The following KCNJ6 variants were observed in gnomAD, a reference collection of about 807,000 sequenced individuals.
The protein encoded by KCNJ6 is potassium inwardly rectifying channel subfamily J member 6, also known as G protein-activated inward rectifier potassium channel 2.
In KCNJ6, 9 loss-of-function variants were observed where a neutral mutation model predicts 34.2. The observed-to-expected ratio is 0.26, with a 90% CI of 0.16 to 0.46. The LOEUF (loss-of-function observed/expected upper bound fraction) is 0.46. Among genes scored for constraint, KCNJ6 ranks in the 20% least tolerant of loss-of-function variants. KCNJ6 has a pLI of 1.00. For missense variants in KCNJ6, 236 were observed against 531.3 expected, an observed-to-expected ratio of 0.44 and a Z score of 5.46; for synonymous variants, 196 against 207.1, an observed-to-expected ratio of 0.95 and a Z score of 0.46.
intron 3 of KCNJ6, among the ~76,000 whole-genome samples, chr21:37,659,172 CCT>C (rs1409089520): frequency 6.6e-6 from 1 of 152,184 alleles, no homozygotes; most frequent in African/African-American, 2.4e-5. Flanking sequence ...CCACGCAGTC[CCT>C]GTTTTTCTTT....
At chr21:37,729,718 T>C (rs561371811) in intron 2 of KCNJ6, among the ~76,000 whole-genome samples, 38 of 152,306 alleles carry the variant, frequency 2.5e-4, no homozygotes, top group Middle Eastern at 3.4e-3. Context: ...TACAGCGATA[T>C]AGGTTGTCCG....
At chr21:37,802,045 T>C (rs1040324870) in intron 2 of KCNJ6, among the ~76,000 whole-genome samples, 1 of 152,192 alleles carries the variant, frequency 6.6e-6, no homozygotes, top group Non-Finnish European at 1.5e-5. Context: ...TTCTTAGTTA[T>C]TTCCACAGAA....
chr21:37,722,711 A>G (rs1016082890), intron 2 of KCNJ6, among the ~76,000 whole-genome samples: 27 of 152,332 alleles, frequency 1.8e-4, no homozygotes, highest in Admixed American at 7.2e-4. Context: ...TAATAATGGT[A>G]CTGGGATAGC....
chr21:37,676,947 C>G (rs2054567544), intron 3 of KCNJ6, among the ~76,000 whole-genome samples: 1 of 152,230 alleles, frequency 6.6e-6, no homozygotes, highest in Non-Finnish European at 1.5e-5. Flanking sequence ...CCACCTCCAC[C>G]AGTCCCCATT....
rs937449206 is a variant in KCNJ6, at chr21:37,618,260, G to T, written c.*6899C>A. 1 of 152,200 alleles carries T rather than the reference G, an allele frequency of 6.6e-6. No homozygotes were observed. The highest frequency in any genetic ancestry group is 2.1e-4 in the South Asian group (1 of 4,830). The allele number at this position is 152,200 out of a possible 1,614,324, so 9.4% of individuals were successfully genotyped here. On this transcript the variant is annotated 3_prime_UTR_variant, in exon 4 of 4. Coordinates refer to ENST00000609713, the MANE Select transcript of KCNJ6 (RefSeq NM_002240.5). ...TCTGATCTCTGCACTCCAGTTGATC[G>T]AGTTCTACTAGTTGTGTTTAGTGAT...
At chr21:37,718,821 A>T (rs702863) in intron 2 of KCNJ6, among the ~76,000 whole-genome samples, 148,153 of 151,784 alleles carry the variant, frequency 0.98, 72,339 homozygotes, top group East Asian at 1. Flanking sequence ...ATAATAATAA[A>T]AAAAAAATAC....
At chr21:37,762,581 C>CCCTTG (rs2055071168) in intron 2 of KCNJ6, among the ~76,000 whole-genome samples, 1 of 152,122 alleles carries the variant, frequency 6.6e-6, no homozygotes, top group African/African-American at 2.4e-5. Context: ...GCAATGGGGA[C>CCCTTG]CCTGTTGAGG....
chr21:37,875,804 T>A (rs2055675302), intron 1 of KCNJ6, among the ~76,000 whole-genome samples: 1 of 152,214 alleles, frequency 6.6e-6, no homozygotes, highest in East Asian at 1.9e-4. Flanking sequence ...TGCAGGTGTT[T>A]CCATACAAGG....
At position 37,647,051 on chromosome 21, in the gene KCNJ6, G is replaced by A. The variant is rs116826483; in HGVS notation, c.947-21567C>T. ...ACTGTGTGTAGGGATCAGAGCGACG[G>A]GGAGGGATGGAGCCCTTTCATCTGT... On this transcript the variant is annotated intron_variant, in intron 3 of 3. Transcript: ENST00000609713. Among the ~76,000 whole-genome samples, 631 of 152,252 alleles carry A rather than the reference G, an allele frequency of 4.1e-3. 5 individuals are homozygous for A. Among genetic ancestry groups the A allele is most frequent in the African/African-American group, 0.014 (596 of 41,528 alleles).
At chr21:37,823,979 T>A (rs550329819) in intron 2 of KCNJ6, among the ~76,000 whole-genome samples, 1 of 276 alleles carries the variant, frequency 3.6e-3, no homozygotes, top group East Asian at 0.062. Flanking sequence ...ACAAAAATGA[T>A]GTTTGTGAGA....
At chr21:37,648,911 C>G (rs1042291573) in intron 3 of KCNJ6, among the ~76,000 whole-genome samples, 1 of 152,044 alleles carries the variant, frequency 6.6e-6, no homozygotes. Context: ...GCGGGCAGAT[C>G]ACCTGAGGTC....
At position 37,609,408 on chromosome 21, in the gene KCNJ6, A is replaced by T. The variant is rs954599181; in HGVS notation, c.*15751T>A. The T allele has an allele frequency of 6.6e-6, 1 of 152,224 alleles. No individual in the cohort carries two copies. The highest frequency in any genetic ancestry group is 1.5e-5 in the Non-Finnish European group (1 of 68,032). The allele number at this position is 152,224 out of a possible 1,614,324, so 9.4% of individuals were successfully genotyped here. On this transcript the variant is annotated 3_prime_UTR_variant, in exon 4 of 4. Coordinates refer to ENST00000609713, the MANE Select transcript of KCNJ6 (RefSeq NM_002240.5). ...GCATAGATTCAAAATTAAAGAGACT[A>T]TTGAAACCTTGGCACTGCTAGAGAC...
chr21:37,630,642 C>A (rs2054330057), intron 3 of KCNJ6, among the ~76,000 whole-genome samples: 2 of 152,076 alleles, frequency 1.3e-5, no homozygotes, highest in African/African-American at 4.8e-5. Flanking sequence ...AAATGTCTTA[C>A]CTTTCGTTTT....
chr21:37,886,420 GAAAA>G (rs1364495228), intron 1 of KCNJ6, among the ~76,000 whole-genome samples: 2 of 152,122 alleles, frequency 1.3e-5, no homozygotes, highest in African/African-American at 4.8e-5. Context: ...CCGAAAGTAA[GAAAA>G]CAGAGTTAAT....
intron 1 of KCNJ6, among the ~76,000 whole-genome samples, chr21:37,859,002 T>C (rs1172961222): frequency 6.6e-6 from 1 of 152,204 alleles, no homozygotes; most frequent in Non-Finnish European, 1.5e-5. Flanking sequence ...AAGTACAGTA[T>C]ATATTATAGA....
intron 2 of KCNJ6, among the ~76,000 whole-genome samples, chr21:37,741,235 G>C (rs939256401): frequency 6.6e-6 from 1 of 152,148 alleles, no homozygotes; most frequent in African/African-American, 2.4e-5. Flanking sequence ...GTCTGGACTA[G>C]ATATTCTCCA....
At chr21:37,810,733 G>C (rs1332094998) in intron 2 of KCNJ6, among the ~76,000 whole-genome samples, 1 of 152,118 alleles carries the variant, frequency 6.6e-6, no homozygotes, top group Non-Finnish European at 1.5e-5. Context: ...TTTTTCTACT[G>C]GGTGTGTGAT....
rs1001898568 is a variant in KCNJ6, at chr21:37,873,147, C to T, written c.-27-32438G>A. Among the ~76,000 whole-genome samples the T allele has an allele frequency of 4.6e-5, 7 of 152,284 alleles. No homozygotes were observed. The East Asian group carries it at 5.8e-4, about 13-fold the overall frequency. ...AAGGTGAGACTCTGGAACACAGTGACGACTAATCATTACTTGCCAGGCTCA... is the reference window on the plus strand; with the variant it reads ...AAGGTGAGACTCTGGAACACAGTGATGACTAATCATTACTTGCCAGGCTCA... On this transcript the variant is annotated intron_variant, in intron 1 of 3. Transcript: ENST00000609713.
intron 3 of KCNJ6, among the ~76,000 whole-genome samples, chr21:37,705,061 G>A (rs1208432170): frequency 6.6e-6 from 1 of 152,154 alleles, no homozygotes; most frequent in Non-Finnish European, 1.5e-5. Context: ...TGCAAGACTG[G>A]ATCATTCCTG....
Sources: gnomAD v4.1 joint callset for allele counts (sites outside exome capture counted in the v4.1 genomes callset) on GRCh38, gnomAD v4.1.1 for gene constraint, MANE v1.5 for transcripts, NCBI Gene and HGNC (gene_info 2026-07-23, HGNC 2026-07-21) for gene names.